NDST4: variants seen among roughly 807,000 people sequenced by gnomAD.
NDST4 encodes N-deacetylase and N-sulfotransferase 4, also known as N-heparan sulfate sulfotransferase 4.
NDST4 carries 63 observed loss-of-function variants against 100.8 expected under a neutral mutation model. That is an observed-to-expected ratio of 0.62 (90% confidence interval 0.51 to 0.77). NDST4 has a LOEUF of 0.77. Among genes scored for constraint, NDST4 ranks in the 30% least tolerant of loss-of-function variants. The pLI is 0.00. For synonymous variants in NDST4, 377 were observed against 361.8 expected, an observed-to-expected ratio of 1.04 and a Z score of -0.48; for missense variants, 943 against 1,018.4, an observed-to-expected ratio of 0.93 and a Z score of 1.01.
intron 2 of NDST4, among the ~76,000 whole-genome samples, chr4:115,040,949 T>A (rs1395083397): frequency 6.6e-6 from 1 of 152,086 alleles, no homozygotes. Flanking sequence ...TCTAACACTC[T>A]GTTTTGAAAA....
At chr4:114,876,315 A>T (rs916042151) in intron 6 of NDST4, among the ~76,000 whole-genome samples, 6 of 152,098 alleles carry the variant, frequency 3.9e-5, no homozygotes, top group Non-Finnish European at 8.8e-5. Flanking sequence ...TAAATTATTG[A>T]TTATGCTTTT....
intron 2 of NDST4, among the ~76,000 whole-genome samples, chr4:115,054,557 A>G (rs1209034175): frequency 2.0e-5 from 3 of 152,172 alleles, no homozygotes; most frequent in Admixed American, 6.5e-5. Context: ...TTTATTTTAT[A>G]TAGATTTTAA....
chr4:115,043,712 G>A (rs947190113), intron 2 of NDST4, among the ~76,000 whole-genome samples: 2 of 151,960 alleles, frequency 1.3e-5, no homozygotes, highest in Admixed American at 1.3e-4. Context: ...GTAAAATGGG[G>A]CATATAATAC....
chr4:114,899,972 C>T (rs1436037392), intron 6 of NDST4, among the ~76,000 whole-genome samples: 2 of 151,968 alleles, frequency 1.3e-5, no homozygotes. Context: ...GCCTAGTGAT[C>T]TTTGTTTTGG....
chr4:115,003,091 C>A (rs1255339576), intron 2 of NDST4, among the ~76,000 whole-genome samples: 1 of 151,950 alleles, frequency 6.6e-6, no homozygotes, highest in Non-Finnish European at 1.5e-5. Context: ...GCTGCAGGGA[C>A]AAAGGGAGGG....
At chr4:115,044,354 A>G (rs1728419632) in intron 2 of NDST4, among the ~76,000 whole-genome samples, 1 of 152,160 alleles carries the variant, frequency 6.6e-6, no homozygotes, top group Admixed American at 6.6e-5. Context: ...GAGCTGAACC[A>G]TAAGCAGAGG....
intron 6 of NDST4, among the ~76,000 whole-genome samples, chr4:114,881,780 G>A (rs1724375532): frequency 6.6e-6 from 1 of 152,006 alleles, no homozygotes; most frequent in East Asian, 1.9e-4. Flanking sequence ...TTCCCATCGT[G>A]TTTTCTCTAA....
At chr4:114,913,143 TA>T (rs1225765464) in intron 6 of NDST4, among the ~76,000 whole-genome samples, 2 of 131,240 alleles carry the variant, frequency 1.5e-5, no homozygotes, top group South Asian at 2.3e-4. Context: ...AATAAAATTA[TA>T]TTTTTTTTCA....
intron 6 of NDST4, among the ~76,000 whole-genome samples, chr4:114,907,390 A>G (rs1344606600): frequency 6.6e-6 from 1 of 152,156 alleles, no homozygotes; most frequent in Non-Finnish European, 1.5e-5. Flanking sequence ...CTATTTAAAA[A>G]TACGGTAAAT....
At chr4:115,071,704 C>A (rs1374252924) in intron 2 of NDST4, among the ~76,000 whole-genome samples, 3 of 151,524 alleles carry the variant, frequency 2.0e-5, no homozygotes, top group Non-Finnish European at 4.4e-5. Flanking sequence ...GGATGAAATT[C>A]TCCTTGTGCA....
At chr4:114,833,346 T>C (rs1221427534) in intron 12 of NDST4, among the ~76,000 whole-genome samples, 2 of 152,160 alleles carry the variant, frequency 1.3e-5, no homozygotes, top group Non-Finnish European at 2.9e-5. Context: ...ATAAAAAATT[T>C]ACTTAATCAA....
At chr4:114,981,126 G>A (rs1371572143) in intron 2 of NDST4, among the ~76,000 whole-genome samples, 2 of 151,924 alleles carry the variant, frequency 1.3e-5, no homozygotes, top group Non-Finnish European at 2.9e-5. Context: ...GGGTGGGAGC[G>A]AGAGGATCAC....
chr4:114,876,470 A>C (rs1724257094), intron 6 of NDST4, among the ~76,000 whole-genome samples: 1 of 152,144 alleles, frequency 6.6e-6, no homozygotes, highest in African/African-American at 2.4e-5. Context: ...GTCTGGAACC[A>C]CACAAGGGAT....
chr4:114,996,975 T>C (rs1456905379), intron 2 of NDST4, among the ~76,000 whole-genome samples: 1 of 152,124 alleles, frequency 6.6e-6, no homozygotes, highest in Non-Finnish European at 1.5e-5. Flanking sequence ...TTGTATTAAA[T>C]AGGTACTTCT....
At chr4:115,034,994 T>C (rs549037517) in intron 2 of NDST4, among the ~76,000 whole-genome samples, 2 of 152,238 alleles carry the variant, frequency 1.3e-5, no homozygotes, top group South Asian at 4.1e-4. Flanking sequence ...ACCTTCTCCA[T>C]CTTCTCCCCC....
At chr4:114,847,048 C>T (rs1208414578) in intron 9 of NDST4, among the ~76,000 whole-genome samples, 1 of 152,088 alleles carries the variant, frequency 6.6e-6, no homozygotes, top group African/African-American at 2.4e-5. Flanking sequence ...CGGTGTTGCA[C>T]CTGCCCAACC....
chr4:115,021,841 C>A (rs1428317592), intron 2 of NDST4, among the ~76,000 whole-genome samples: 1 of 151,266 alleles, frequency 6.6e-6, no homozygotes, highest in Non-Finnish European at 1.5e-5. Context: ...TATACACATT[C>A]CATATATATA....
chr4:115,085,590 A>G (rs1216546687), intron 1 of NDST4, among the ~76,000 whole-genome samples: 1 of 152,108 alleles, frequency 6.6e-6, no homozygotes, highest in Non-Finnish European at 1.5e-5. Context: ...ATACTGAGTG[A>G]GTTCTCACAA....
At chr4:115,023,424 G>T (rs1727904053) in intron 2 of NDST4, among the ~76,000 whole-genome samples, 1 of 149,614 alleles carries the variant, frequency 6.7e-6, no homozygotes, top group African/African-American at 2.5e-5. Flanking sequence ...AGCAGAGGTT[G>T]CAGTGAGCCG....
Sources: allele counts gnomAD v4.1 joint callset (sites outside exome capture counted in the v4.1 genomes callset), GRCh38; gene constraint gnomAD v4.1.1; transcripts MANE v1.5; gene names NCBI Gene and HGNC (gene_info 2026-07-23, HGNC 2026-07-21).